PCNX2: variants seen among roughly 807,000 people sequenced by gnomAD.
The protein encoded by PCNX2 is pecanex-like protein 2.
PCNX2 carries 168 observed loss-of-function variants against 223.8 expected under a neutral mutation model. The ratio of observed to expected loss-of-function variants is 0.75; its 90% CI spans 0.66 to 0.85. PCNX2 has a LOEUF of 0.85. Ranked by LOEUF, PCNX2 falls within the 40% of genes least tolerant of loss-of-function variation. The pLI is 0.00. For synonymous variants in PCNX2, 1,006 were observed against 1,052.6 expected (o/e 0.96, Z 0.86); for missense variants, 2,507 against 2,675.5 (o/e 0.94, Z 1.39).
intron 25 of PCNX2, 131 bp from the exon 26 acceptor site, chr1:233,025,530 T>C: frequency 8.3e-7 from 1 of 1,200,966 alleles, no homozygotes; most frequent in Non-Finnish European, 1.1e-6. Flanking sequence ...AATTTGTTTG[T>C]CCTCAAATAA....
chr1:233,285,833 G>A (rs1470090573), intron 1 of PCNX2, among the ~76,000 whole-genome samples: 1 of 152,228 alleles, frequency 6.6e-6, no homozygotes, highest in Non-Finnish European at 1.5e-5. Flanking sequence ...TTCTTCAATA[G>A]TGACTAGTCA....
chr1:233,223,838 T>C (rs16858884), intron 10 of PCNX2, among the ~76,000 whole-genome samples: 52,188 of 152,088 alleles, frequency 0.34, 9,152 homozygotes, highest in Non-Finnish European at 0.38. Flanking sequence ...TTGAGAAGCA[T>C]GAATGATTTC....
chr1:233,318,315 C>T, the PCNX2 span, among the ~76,000 whole-genome samples: 1 of 151,650 alleles, frequency 6.6e-6, no homozygotes, highest in Non-Finnish European at 1.5e-5. Flanking sequence ...ACTATTTTTC[C>T]TCACCCCTCC....
At chr1:233,140,006 A>G in intron 19 of PCNX2, 151 bp from the exon 20 acceptor site, 1 of 475,076 alleles carries the variant, frequency 2.1e-6, no homozygotes, top group Non-Finnish European at 2.7e-6. Flanking sequence ...ATTTTTTTCC[A>G]GGCAGCAACT....
chr1:233,199,795 T>TACACACAC (rs60556502), intron 14 of PCNX2, among the ~76,000 whole-genome samples: 113 of 147,962 alleles, frequency 7.6e-4, no homozygotes, highest in Middle Eastern at 3.5e-3. Flanking sequence ...TGTGCTCAAA[T>TACACACAC]ACACACACAC....
At position 233,275,455 on chromosome 1, in the gene PCNX2, G is replaced by A. The variant is rs533036838; in HGVS notation, c.154-12292C>T. Among the ~76,000 whole-genome samples the A allele has an allele frequency of 9.9e-4, 151 of 151,952 alleles. 1 individual carries two copies. Among genetic ancestry groups the A allele is most frequent in the African/African-American group, 3.4e-3 (140 of 41,470 alleles). On this transcript the variant is annotated intron_variant, in intron 1 of 33. Transcript: ENST00000258229. ...TGACCTCAAGTGATCTGCCTGCCTC[G>A]GCCTCCCAAAGTGCTAGGATTACAG...
At chr1:233,216,958 G>A (rs2102926113) in intron 12 of PCNX2, among the ~76,000 whole-genome samples, 1 of 152,204 alleles carries the variant, frequency 6.6e-6, no homozygotes, top group East Asian at 1.9e-4. Flanking sequence ...AATTAAGTCA[G>A]GTGCAAAAAG....
intron 24 of PCNX2, among the ~76,000 whole-genome samples, chr1:233,056,929 C>T (rs1439219225): frequency 5.3e-5 from 8 of 151,930 alleles, no homozygotes; most frequent in Non-Finnish European, 8.8e-5. Flanking sequence ...TCCTAAAAGA[C>T]GAATCTCAAG....
chr1:233,042,016 T>C (rs569481811), intron 25 of PCNX2, among the ~76,000 whole-genome samples: 15 of 152,360 alleles, frequency 9.8e-5, no homozygotes, highest in African/African-American at 2.6e-4. Flanking sequence ...ATAAGAAACA[T>C]AGATGCATTT....
intron 21 of PCNX2, among the ~76,000 whole-genome samples, chr1:233,123,174 C>G (rs1675901732): frequency 6.6e-6 from 1 of 152,120 alleles, no homozygotes; most frequent in South Asian, 2.1e-4. Flanking sequence ...ACAAATGTAC[C>G]ATACAAATAT....
At chr1:233,141,968 GA>G (rs1677157469) in intron 19 of PCNX2, among the ~76,000 whole-genome samples, 1 of 152,040 alleles carries the variant, frequency 6.6e-6, no homozygotes, top group African/African-American at 2.4e-5. Context: ...GAGACAATGA[GA>G]AATCATCCAG....
At chr1:233,052,926 C>G (rs1184601169) in intron 25 of PCNX2, among the ~76,000 whole-genome samples, 1 of 151,970 alleles carries the variant, frequency 6.6e-6, no homozygotes, top group African/African-American at 2.4e-5. Flanking sequence ...TCACCCCTAA[C>G]AGCTAGCCCT....
In PCNX2 at chr1:233,249,867, T is replaced by G. The variant is rs564801389; in HGVS notation, c.2222+872A>C. Among the ~76,000 whole-genome samples the G allele has an allele frequency of 3.3e-5, 5 of 152,298 alleles. No homozygotes were observed. In the East Asian group the frequency reaches 5.8e-4, roughly 18 times the overall value. On this transcript the variant is annotated intron_variant, in intron 8 of 33. Transcript: ENST00000258229. Reference sequence around the variant, plus strand: ...ACAGCATTCCACCTGGAGGCCAGAATGCAAGGACAAAGACAGCCTTTACTC... The same window carrying G: ...ACAGCATTCCACCTGGAGGCCAGAAGGCAAGGACAAAGACAGCCTTTACTC...
At chr1:233,177,948 G>A in intron 16 of PCNX2, 50 bp from the exon 17 acceptor site, 2 of 1,470,820 alleles carry the variant, frequency 1.4e-6, no homozygotes, top group Non-Finnish European at 1.9e-6. Flanking sequence ...CTGGGACAGT[G>A]TTTTCGGTAA....
At chr1:233,289,220 T>G (rs1275395448) in intron 1 of PCNX2, 1 of 881,972 alleles carries the variant, frequency 1.1e-6, no homozygotes, top group African/African-American at 1.6e-5. Context: ...CTAGCCGGAC[T>G]TGGATTTTCT....
At chr1:233,312,004 A>G in the PCNX2 span, among the ~76,000 whole-genome samples, 1 of 151,902 alleles carries the variant, frequency 6.6e-6, no homozygotes, top group Non-Finnish European at 1.5e-5. Flanking sequence ...GCAGGCGCCT[A>G]TAGTCCCAGC....
At position 232,998,238 on chromosome 1, in the gene PCNX2, C is replaced by T. The variant is rs764388262; in HGVS notation, c.5791+13G>A. ...GACTTCATCGATAGTTTGGAGGCCC[C>T]TGCTGCACCCACCTGTTCTCTGTGT... On this transcript the variant is annotated intron_variant, in intron 32 of 33. Transcript: ENST00000258229. 6.5e-7 allele frequency: 1 copy of T among 1,542,368 alleles called. No individual in the cohort carries two copies.
At chr1:233,035,066 T>C (rs571251051) in intron 25 of PCNX2, among the ~76,000 whole-genome samples, 2 of 152,198 alleles carry the variant, frequency 1.3e-5, no homozygotes, top group Non-Finnish European at 2.9e-5. Flanking sequence ...TACAGGCTGT[T>C]TACCAAGAGA....
At chr1:233,049,954 T>C (rs931382949) in intron 25 of PCNX2, among the ~76,000 whole-genome samples, 5 of 151,730 alleles carry the variant, frequency 3.3e-5, no homozygotes, top group African/African-American at 1.2e-4. Context: ...AAAAACACTG[T>C]TGAAAAATAT....
Sources: gnomAD v4.1 joint callset for allele counts (sites outside exome capture counted in the v4.1 genomes callset) on GRCh38, gnomAD v4.1.1 for gene constraint, MANE v1.5 for transcripts, NCBI Gene and HGNC (gene_info 2026-07-23, HGNC 2026-07-21) for gene names.